Variants in LCLAT1 observed in about 807,000 individuals in gnomAD.
LCLAT1 encodes lysocardiolipin acyltransferase 1, also known as 1-AGP acyltransferase 8.
A neutral mutation model predicts 30.7 loss-of-function variants in LCLAT1; 11 were observed. That is an observed-to-expected ratio of 0.36 (90% CI 0.23 to 0.59). The LOEUF (loss-of-function observed/expected upper bound fraction) is 0.59, where lower values mean the gene tolerates loss of function less well. Among genes scored for constraint, LCLAT1 ranks in the 20% least tolerant of loss-of-function variants. LCLAT1 has a pLI of 0.77. For synonymous variants in LCLAT1, 155 were observed against 151.3 expected, an observed-to-expected ratio of 1.02 and a Z score of -0.18; for missense variants, 402 against 458.6, an observed-to-expected ratio of 0.88 and a Z score of 1.13.
At position 30,552,225 on chromosome 2, in the gene LCLAT1, A is replaced by G. The variant is rs571106916; in HGVS notation, c.365-9921A>G. ...CCAATCTCATATAATATGAAAGATG[A>G]GTTTGGTCTCTCTCATGTTAACATG... On this transcript the variant is annotated intron_variant, in intron 3 of 5. Transcript: ENST00000379509. Among the ~76,000 whole-genome samples the G allele has an allele frequency of 5.3e-5, 8 of 152,332 alleles. No individual in the cohort carries two copies. In the South Asian group the frequency reaches 1.7e-3, roughly 32 times the overall value.
At chr2:30,549,727 C>T (rs940003592) in intron 3 of LCLAT1, among the ~76,000 whole-genome samples, 41 of 152,050 alleles carry the variant, frequency 2.7e-4, no homozygotes, top group African/African-American at 9.9e-4. Context: ...GTAAATTGTG[C>T]AGGTATTTTA....
intron 5 of LCLAT1, among the ~76,000 whole-genome samples, chr2:30,595,957 CAA>C (rs1666911194): frequency 6.6e-6 from 1 of 152,150 alleles, no homozygotes. Flanking sequence ...CATGTCCCTG[CAA>C]AGGACATGAT....
chr2:30,514,720 C>T (rs1314644894), intron 1 of LCLAT1, among the ~76,000 whole-genome samples: 1 of 152,140 alleles, frequency 6.6e-6, no homozygotes, highest in African/African-American at 2.4e-5. Context: ...AGTGTTGGAG[C>T]TGCATCACAG....
chr2:30,449,011 C>T (rs1262077232), intron 1 of LCLAT1, among the ~76,000 whole-genome samples: 3 of 152,104 alleles, frequency 2.0e-5, no homozygotes, highest in East Asian at 3.8e-4. Context: ...GCACTGAATC[C>T]GGGGACTTAT....
At chr2:30,487,208 A>G (rs1178448426) in intron 1 of LCLAT1, among the ~76,000 whole-genome samples, 1 of 152,210 alleles carries the variant, frequency 6.6e-6, no homozygotes, top group Non-Finnish European at 1.5e-5. Flanking sequence ...GTACCCAGCT[A>G]AGGCACTCAG....
intron 5 of LCLAT1, among the ~76,000 whole-genome samples, chr2:30,629,562 A>G (rs776817533): frequency 2.2e-4 from 34 of 152,174 alleles, no homozygotes; most frequent in African/African-American, 8.2e-4. Flanking sequence ...CTCCATCTCA[A>G]AAAACAAAAA....
chr2:30,459,866 T>C (rs547659927), intron 1 of LCLAT1: 11 of 549,734 alleles, frequency 2.0e-5, no homozygotes, highest in African/African-American at 1.9e-4. Flanking sequence ...AACCTTTTCA[T>C]TGAAAAATAA....
chr2:30,569,956 A>C (rs1252375446), intron 5 of LCLAT1, among the ~76,000 whole-genome samples: 1 of 152,116 alleles, frequency 6.6e-6, no homozygotes, highest in Non-Finnish European at 1.5e-5. Context: ...GAAGACATTC[A>C]AGCAGTGATG....
chr2:30,621,260 G>A (rs1054473299), intron 5 of LCLAT1, among the ~76,000 whole-genome samples: 3 of 152,142 alleles, frequency 2.0e-5, no homozygotes, highest in Non-Finnish European at 4.4e-5. Context: ...ATGTTTTGAT[G>A]TTGCTGTGGA....
At chr2:30,462,187 A>C (rs1043609700) in intron 1 of LCLAT1, among the ~76,000 whole-genome samples, 1 of 152,218 alleles carries the variant, frequency 6.6e-6, no homozygotes. Context: ...GGAGTCCAAT[A>C]GGCTCAAATT....
chr2:30,514,488 T>A (rs1366939955), intron 1 of LCLAT1, among the ~76,000 whole-genome samples: 2 of 152,230 alleles, frequency 1.3e-5, no homozygotes, highest in South Asian at 2.1e-4. Context: ...TTCCATGTTA[T>A]GACCTTTGGA....
At chr2:30,543,125 G>A (rs2148412666) in intron 3 of LCLAT1, among the ~76,000 whole-genome samples, 1 of 151,976 alleles carries the variant, frequency 6.6e-6, no homozygotes, top group South Asian at 2.1e-4. Flanking sequence ...CTCTTAATTA[G>A]GTTGAGGAGT....
intron 3 of LCLAT1, among the ~76,000 whole-genome samples, chr2:30,537,622 A>T (rs1007614964): frequency 1.3e-5 from 2 of 152,144 alleles, no homozygotes; most frequent in African/African-American, 4.8e-5. Flanking sequence ...TTAGACCCCA[A>T]TATAGTAATA....
At chr2:30,500,368 A>G (rs1684316126) in intron 1 of LCLAT1, among the ~76,000 whole-genome samples, 1 of 152,204 alleles carries the variant, frequency 6.6e-6, no homozygotes, top group Non-Finnish European at 1.5e-5. Flanking sequence ...GTGACTATAT[A>G]TGCTTTATCT....
intron 1 of LCLAT1, among the ~76,000 whole-genome samples, chr2:30,490,378 A>AT (rs1032406133): frequency 4.2e-4 from 64 of 151,020 alleles, no homozygotes; most frequent in Non-Finnish European, 7.1e-4. Flanking sequence ...AATTTTTTGT[A>AT]TTTTTTTTAG....
intron 5 of LCLAT1, among the ~76,000 whole-genome samples, chr2:30,634,487 G>A (rs2602809): frequency 0.095 from 14,402 of 152,228 alleles, 715 homozygotes; most frequent in East Asian, 0.11. Context: ...TTAGCTGGGC[G>A]TGGTGGTGTG....
At chr2:30,480,739 G>A (rs1683277987) in intron 1 of LCLAT1, among the ~76,000 whole-genome samples, 1 of 152,130 alleles carries the variant, frequency 6.6e-6, no homozygotes, top group East Asian at 1.9e-4. Context: ...GGGCAATAGA[G>A]TGAGACTGTT....
chr2:30,506,846 T>A (rs28666424), intron 1 of LCLAT1, among the ~76,000 whole-genome samples: 75,050 of 151,926 alleles, frequency 0.49, 19,561 homozygotes, highest in Non-Finnish European at 0.58. Context: ...ATCCATAGAT[T>A]TAAAAGAAAT....
At chr2:30,454,644 T>C (rs566041932) in intron 1 of LCLAT1, among the ~76,000 whole-genome samples, 2 of 151,012 alleles carry the variant, frequency 1.3e-5, no homozygotes, top group African/African-American at 4.9e-5. Context: ...TGTAGAGATA[T>C]TGTTGTGTTG....
Sources: gnomAD v4.1 joint callset for allele counts (sites outside exome capture counted in the v4.1 genomes callset) on GRCh38, gnomAD v4.1.1 for gene constraint, MANE v1.5 for transcripts, NCBI Gene and HGNC (gene_info 2026-07-23, HGNC 2026-07-21) for gene names.